Variants in KLRF2 observed in about 807,000 individuals in gnomAD.
KLRF2 encodes the protein killer cell lectin like receptor F2, also known as killer cell lectin-like receptor subfamily F member 2.
A neutral mutation model predicts 25.3 loss-of-function variants in KLRF2; 28 were observed. That is an observed-to-expected ratio of 1.11 (90% CI 0.82 to 1.52). KLRF2 has a LOEUF of 1.52. KLRF2 is among the 40% of genes most tolerant of loss of function. The pLI, the probability that KLRF2 is intolerant of heterozygous loss-of-function variation, is 0.00. For missense variants in KLRF2, 265 were observed against 245.8 expected (o/e 1.08, Z -0.52); for synonymous variants, 73 against 85.0 (o/e 0.86, Z 0.78).
chr12:9,885,072 G>T, intron 2 of KLRF2, 40 bp downstream of exon 2: 1 of 708,734 alleles, frequency 1.4e-6, no homozygotes, highest in Non-Finnish European at 2.0e-6. Flanking sequence ...ATTTTCAGAA[G>T]ATAAATGTTG....
rs576913057 is a variant in KLRF2, at chr12:9,893,212, C to T, written c.366+44C>T. 320 of 1,504,068 alleles carry T rather than the reference C, an allele frequency of 2.1e-4. 3 individuals are homozygous for T. The African/African-American group carries it at 3.8e-3, about 18-fold the overall frequency. 93.2% of individuals were successfully genotyped at this position (1,504,068 alleles called of 1,614,324 possible). On this transcript the variant is annotated intron_variant, in intron 4 of 5. Transcript: ENST00000535540. The stretch of plus-strand genomic sequence containing the variant: ...GATCTAACTGCACAAGGAAAAATGG[C>T]TTAGGTGCAAGTTCACTGCCTAAGA...
At chr12:9,881,933 C>T (rs960103771) in intron 1 of KLRF2, among the ~76,000 whole-genome samples, 35 of 151,924 alleles carry the variant, frequency 2.3e-4, no homozygotes, top group African/African-American at 8.5e-4. Context: ...GAAGAAAAGG[C>T]TGAAAAATTG....
chr12:9,886,855 G>A (rs1591776720), intron 2 of KLRF2, among the ~76,000 whole-genome samples: 1 of 151,918 alleles, frequency 6.6e-6, no homozygotes, highest in East Asian at 1.9e-4. Flanking sequence ...TGGACTGGTG[G>A]TCGGTGCAAT....
In KLRF2 at chr12:9,894,821, A is replaced by T. The variant is rs546425909; in HGVS notation, c.480-868A>T. ...GGACCTGCTTTTAATGCAATATTTG[A>T]AAAAAAGTAAGATTTATTACTAATT... On this transcript the variant is annotated intron_variant, in intron 5 of 5. Coordinates refer to ENST00000535540, the MANE Select transcript of KLRF2 (RefSeq NM_001190765.1). Among the ~76,000 whole-genome samples the T allele has an allele frequency of 2.6e-5, 4 of 152,192 alleles. No homozygotes were observed. The South Asian group carries it at 8.3e-4, about 32-fold the overall frequency.
intron 3 of KLRF2, among the ~76,000 whole-genome samples, chr12:9,890,551 C>T: frequency 6.6e-6 from 1 of 152,170 alleles, no homozygotes; most frequent in East Asian, 1.9e-4. Flanking sequence ...CTCTTGTACA[C>T]CCTCCCGAAA....
chr12:9,893,188 A>T lies in KLRF2; in HGVS notation c.366+20A>T. On this transcript the variant is annotated intron_variant, in intron 4 of 5. Transcript: ENST00000535540. ...GAGCTGGTGAGAAATCAAAAACAGG[A>T]TCTAACTGCACAAGGAAAAATGGCT... 6.6e-7 allele frequency: 1 copy of T among 1,524,122 alleles called. No individual in the cohort carries two copies. The allele number at this position is 1,524,122 out of a possible 1,614,324, so 94.4% of individuals were successfully genotyped here.
At chr12:9,892,518 A>G (rs1862689632) in intron 3 of KLRF2, among the ~76,000 whole-genome samples, 1 of 151,862 alleles carries the variant, frequency 6.6e-6, no homozygotes, top group Non-Finnish European at 1.5e-5. Context: ...TCCATCATCC[A>G]AAACCCTGCC....
At chr12:9,892,145 C>T (rs1862683800) in intron 3 of KLRF2, among the ~76,000 whole-genome samples, 1 of 152,086 alleles carries the variant, frequency 6.6e-6, no homozygotes, top group Non-Finnish European at 1.5e-5. Flanking sequence ...TGTGTTGAGT[C>T]TTACAGATAG....
chr12:9,895,002 C>T (rs1235622484), intron 5 of KLRF2, among the ~76,000 whole-genome samples: 1 of 152,102 alleles, frequency 6.6e-6, no homozygotes, highest in Non-Finnish European at 1.5e-5. Flanking sequence ...CTTAAATAAT[C>T]ATTAGTAACT....
At chr12:9,883,802 T>C (rs939355872) in intron 1 of KLRF2, among the ~76,000 whole-genome samples, 3 of 152,206 alleles carry the variant, frequency 2.0e-5, no homozygotes, top group African/African-American at 7.2e-5. Context: ...ACTATAGATC[T>C]AATCAAATGC....
intron 2 of KLRF2, among the ~76,000 whole-genome samples, chr12:9,885,340 T>C (rs2136995188): frequency 6.6e-6 from 1 of 151,618 alleles, no homozygotes; most frequent in Admixed American, 6.6e-5. Context: ...TAAGTATATA[T>C]ATATATATAT....
chr12:9,890,075 C>T (rs1235014327), intron 3 of KLRF2, among the ~76,000 whole-genome samples: 1 of 152,024 alleles, frequency 6.6e-6, no homozygotes, highest in Non-Finnish European at 1.5e-5. Flanking sequence ...TCTGTATCTC[C>T]ACCATCATCA....
Position 9,881,532 on chromosome 12 carries a change from T to G in KLRF2, c.-64T>G. The G allele has an allele frequency of 4.4e-5, 53 of 1,198,720 alleles. No individual in the cohort carries two copies. Among genetic ancestry groups the G allele is most frequent in the Non-Finnish European group, 5.6e-5 (47 of 843,334 alleles). 74.3% of individuals were successfully genotyped at this position (1,198,720 alleles called of 1,614,324 possible). ...TGTGCCAAAGAGACATATCCAAGGT[T>G]GAGATTAGTTTCCATTTTCTTTGTA... On this transcript the variant is annotated 5_prime_UTR_variant, in exon 1 of 6. Coordinates refer to ENST00000535540, the MANE Select transcript of KLRF2 (RefSeq NM_001190765.1).
chr12:9,887,576 T>A (rs1279320555), intron 2 of KLRF2, among the ~76,000 whole-genome samples: 6 of 152,182 alleles, frequency 3.9e-5, no homozygotes, highest in Non-Finnish European at 2.9e-5. Context: ...TTGGATAGAA[T>A]GAAGCTAGCC....
intron 1 of KLRF2, among the ~76,000 whole-genome samples, chr12:9,883,871 C>T (rs1487078173): frequency 6.6e-6 from 1 of 152,062 alleles, no homozygotes; most frequent in Non-Finnish European, 1.5e-5. Context: ...ATTTGAGAAA[C>T]AGCACTTTTA....
In KLRF2 at chr12:9,893,103, G is replaced by A; in HGVS notation, c.301G>A (p.Glu101Lys). ...WFSTSFKTWKESQRDCTQLQA... is the reference protein window; with the variant it reads ...WFSTSFKTWKKSQRDCTQLQA... ...TTCAACTTCTTTTAAAACGTGGAAAGAGAGTCAACGTGATTGTACACAGCT... is the reference window on the plus strand; with the variant it reads ...TTCAACTTCTTTTAAAACGTGGAAAAAGAGTCAACGTGATTGTACACAGCT... Residue 101 changes from glutamate to lysine, a missense_variant, in exon 4 of 6, where the codon GAG becomes AAG. Physicochemically the swap from Glu to Lys is moderately conservative, Grantham distance 56 (BLOSUM62 1). Transcript: ENST00000535540. 1 of 1,535,692 alleles carries A rather than the reference G, an allele frequency of 6.5e-7. No individual in the cohort carries two copies. The highest frequency in any genetic ancestry group is 8.7e-7 in the Non-Finnish European group (1 of 1,146,588).
chr12:9,889,044 ACC>A (rs1862640200), intron 3 of KLRF2, among the ~76,000 whole-genome samples: 1 of 152,158 alleles, frequency 6.6e-6, no homozygotes, highest in Non-Finnish European at 1.5e-5. Context: ...TTCCTGCCAT[ACC>A]TAACTTGCCA....
At position 9,893,383 on chromosome 12, in the gene KLRF2, ATT is replaced by A. The variant is rs539150275; in HGVS notation, c.367-40_367-39del. 209 of 1,020,178 alleles carry A rather than the reference ATT, an allele frequency of 2.0e-4. No homozygotes were observed. In the African/African-American group the frequency reaches 3.2e-3, roughly 16 times the overall value. The allele number at this position is 1,020,178 out of a possible 1,614,324, so 63.2% of individuals were successfully genotyped here. On this transcript the variant is annotated intron_variant, in intron 4 of 5. Coordinates refer to ENST00000535540, the MANE Select transcript of KLRF2 (RefSeq NM_001190765.1). ...GACTTACACTATAGAAGGCATCAAA[ATT>A]TTTTTAAACAAATGAATGAATAAAT...
intron 1 of KLRF2, 145 bp downstream of exon 1, chr12:9,881,810 A>T (rs888238596): frequency 1.2e-4 from 80 of 673,000 alleles, no homozygotes; most frequent in Non-Finnish European, 1.8e-4. Context: ...GATTATTTAG[A>T]TTCATGAAAG....
Sources: gnomAD v4.1 joint callset for allele counts (sites outside exome capture counted in the v4.1 genomes callset) on GRCh38, gnomAD v4.1.1 for gene constraint, MANE v1.5 for transcripts, NCBI Gene and HGNC (gene_info 2026-07-23, HGNC 2026-07-21) for gene names.